The following GPC3 variants were observed in gnomAD, a reference collection of about 807,000 sequenced individuals.
The protein encoded by GPC3 is glypican 3.
In GPC3, 3 loss-of-function variants were observed where a neutral mutation model predicts 34.4. That is an observed-to-expected ratio of 0.09 (90% CI 0.04 to 0.23). GPC3 has a LOEUF of 0.23. Ranked by LOEUF, GPC3 falls within the 10% of genes least tolerant of loss-of-function variation. GPC3 has a pLI of 1.00. For synonymous variants in GPC3, 177 were observed against 174.0 expected, an observed-to-expected ratio of 1.02 and a Z score of -0.13; for missense variants, 351 against 445.6, an observed-to-expected ratio of 0.79 and a Z score of 1.91.
At chrX:133,664,468 G>A (rs1416535590) in intron 5 of GPC3, among the ~76,000 whole-genome samples, 1 of 111,335 alleles carries the variant, frequency 9.0e-6, no homozygotes, top group Non-Finnish European at 1.9e-5. Context: ...GTGGTTAATT[G>A]CGGCTTTAAA....
chrX:133,793,620 G>A lies in GPC3; in HGVS notation c.338-39444C>T, dbSNP rs187694387. Among the ~76,000 whole-genome samples, 3 of 111,341 alleles carry A rather than the reference G, an allele frequency of 2.7e-5. No individual in the cohort carries two copies. In the East Asian group the frequency reaches 8.5e-4, roughly 31 times the overall value. ...CTCCAATCTTGCACACAACCCCTCA[G>A]GCCACAACTGCACGGCTGCTCACAA... On this transcript the variant is annotated intron_variant, in intron 2 of 7. Coordinates refer to ENST00000370818, the MANE Select transcript of GPC3 (RefSeq NM_004484.4).
At chrX:133,958,675 C>T (rs923520298) in intron 1 of GPC3, among the ~76,000 whole-genome samples, 9 of 104,226 alleles carry the variant, frequency 8.6e-5, no homozygotes, top group South Asian at 8.8e-4. Context: ...AAACTACCAA[C>T]GCCTGGCCAA....
intron 2 of GPC3, among the ~76,000 whole-genome samples, chrX:133,936,632 C>A (rs1399190148): frequency 1.8e-5 from 2 of 111,839 alleles, no homozygotes; most frequent in East Asian, 2.8e-4. Context: ...TCAAAGAAAA[C>A]CCAATAAAGC....
At chrX:133,761,293 C>T (rs1468238329) in intron 2 of GPC3, among the ~76,000 whole-genome samples, 1 of 112,360 alleles carries the variant, frequency 8.9e-6, no homozygotes, top group Non-Finnish European at 1.9e-5. Flanking sequence ...ATTTTAAAAA[C>T]TAAATAATAG....
chrX:133,889,499 CA>C (rs1244494115), intron 2 of GPC3, among the ~76,000 whole-genome samples: 2 of 112,069 alleles, frequency 1.8e-5, no homozygotes, highest in East Asian at 5.6e-4. Flanking sequence ...CGAGTTAAAA[CA>C]TAACACTCCA....
chrX:133,734,979 T>C (rs1455550229), intron 3 of GPC3, among the ~76,000 whole-genome samples: 1 of 112,076 alleles, frequency 8.9e-6, no homozygotes, highest in Non-Finnish European at 1.9e-5. Context: ...AAATTAAAGA[T>C]ATAAATAAGT....
chrX:133,797,343 G>C (rs1377118134), intron 2 of GPC3, among the ~76,000 whole-genome samples: 1 of 111,011 alleles, frequency 9.0e-6, no homozygotes, highest in Non-Finnish European at 1.9e-5. Flanking sequence ...AGAAAGACTA[G>C]AGGTGATTGG....
chrX:133,594,829 C>T (rs2069895209), intron 7 of GPC3, among the ~76,000 whole-genome samples: 1 of 109,394 alleles, frequency 9.1e-6, no homozygotes, highest in Non-Finnish European at 1.9e-5. Flanking sequence ...GTACTGTACA[C>T]TTAAAAGTTT....
intron 2 of GPC3, among the ~76,000 whole-genome samples, chrX:133,945,979 G>GT (rs766137351): frequency 4.1e-4 from 46 of 111,085 alleles, no homozygotes; most frequent in Non-Finnish European, 7.6e-4. Context: ...AACTGCAAAG[G>GT]TTTTTTCTTA....
At chrX:133,700,118 C>T (rs1188842963) in intron 3 of GPC3, 90 bp from the exon 4 acceptor site, 6 of 700,491 alleles carry the variant, frequency 8.6e-6, no homozygotes, top group Non-Finnish European at 1.4e-5. Context: ...TTTCTTCCCC[C>T]AATTTTAAAT....
At position 133,918,327 on chromosome X, in the gene GPC3, G is replaced by A. The variant is rs927581860; in HGVS notation, c.337+34723C>T. 7.1e-5 allele frequency among the ~76,000 whole-genome samples: 8 copies of A among 112,193 alleles called. No homozygotes were observed. In the East Asian group the frequency reaches 1.1e-3, roughly 16 times the overall value. Reference sequence around the variant, plus strand: ...TTGCATCAGTGGTAAAAAGTCATACGTGACTAAGTATTCTAAGGTGACCTA... The same window carrying A: ...TTGCATCAGTGGTAAAAAGTCATACATGACTAAGTATTCTAAGGTGACCTA... On this transcript the variant is annotated intron_variant, in intron 2 of 7. Transcript: ENST00000370818.
In GPC3 at chrX:133,985,585, G is replaced by A. The variant is rs1229135104; in HGVS notation, c.-136C>T. Reference sequence around the variant, plus strand: ...ACCCAGCCGCTGCAAAAGTTTCCTCGCAGCTACCTGGGCGCTGGGCGAGGG... The same window carrying A: ...ACCCAGCCGCTGCAAAAGTTTCCTCACAGCTACCTGGGCGCTGGGCGAGGG... On this transcript the variant is annotated 5_prime_UTR_variant, in exon 1 of 8. Transcript: ENST00000370818. The A allele has an allele frequency of 5.4e-6, 3 of 556,329 alleles. No individual in the cohort carries two copies. Among genetic ancestry groups the A allele is most frequent in the African/African-American group, 2.3e-5 (1 of 42,566 alleles). 45.8% of individuals were successfully genotyped at this position (556,329 alleles called of 1,213,427 possible).
rs998557451 is a variant in GPC3, at chrX:133,775,873, T to G, written c.338-21697A>C. ...TCTATATTTATTTCAAAATAAAAAA[T>G]TAAAAGGGGCATGGGTTTAAAGAAA... On this transcript the variant is annotated intron_variant, in intron 2 of 7. Coordinates refer to ENST00000370818, the MANE Select transcript of GPC3 (RefSeq NM_004484.4). Among the ~76,000 whole-genome samples the G allele has an allele frequency of 8.1e-5, 9 of 111,799 alleles. No homozygotes were observed. The East Asian group carries it at 2.0e-3, about 24-fold the overall frequency.
At chrX:133,912,220 C>T (rs2076203670) in intron 2 of GPC3, among the ~76,000 whole-genome samples, 1 of 112,343 alleles carries the variant, frequency 8.9e-6, no homozygotes, top group South Asian at 3.7e-4. Flanking sequence ...AGCTTCTACA[C>T]AGGAGGGGTG....
chrX:133,705,164 A>T (rs917069623), intron 3 of GPC3, among the ~76,000 whole-genome samples: 1 of 111,972 alleles, frequency 8.9e-6, no homozygotes, highest in African/African-American at 3.3e-5. Flanking sequence ...AGTCCTACCA[A>T]CAACCCTCTG....
Position 133,642,412 on chromosome X carries a change from T to C in GPC3, c.1413+19318A>G, listed in dbSNP as rs757030950. Among the ~76,000 whole-genome samples the C allele has an allele frequency of 2.7e-5, 3 of 111,549 alleles. No homozygotes were observed. In the East Asian group the frequency reaches 8.4e-4, roughly 31 times the overall value. On this transcript the variant is annotated intron_variant, in intron 6 of 7. Coordinates refer to ENST00000370818, the MANE Select transcript of GPC3 (RefSeq NM_004484.4). The stretch of plus-strand genomic sequence containing the variant: ...GAATGGAGAACAAAGCAAAGCTATA[T>C]AGGGACAAACTAAAATCACTAGCTT...
chrX:133,686,682 T>C (rs1422327612), intron 5 of GPC3, among the ~76,000 whole-genome samples: 2 of 109,822 alleles, frequency 1.8e-5, no homozygotes, highest in South Asian at 8.0e-4. Context: ...TAGAGAGAGA[T>C]GGTGGTTGTA....
At chrX:133,801,758 A>G (rs1173183421) in intron 2 of GPC3, among the ~76,000 whole-genome samples, 2 of 112,326 alleles carry the variant, frequency 1.8e-5, no homozygotes, top group African/African-American at 6.5e-5. Flanking sequence ...ACATTTTGTC[A>G]AGGCTGTAAA....
intron 2 of GPC3, among the ~76,000 whole-genome samples, chrX:133,916,746 G>T (rs988671527): frequency 9.0e-6 from 1 of 111,123 alleles, no homozygotes; most frequent in African/African-American, 3.3e-5. Context: ...AAGTGTGATG[G>T]CACATGCCTG....
Sources: gnomAD v4.1 joint callset for allele counts (sites outside exome capture counted in the v4.1 genomes callset) on GRCh38, gnomAD v4.1.1 for gene constraint, MANE v1.5 for transcripts, NCBI Gene and HGNC (gene_info 2026-07-23, HGNC 2026-07-21) for gene names.